Variants in USP9X observed in about 807,000 individuals in gnomAD.
USP9X encodes the protein ubiquitin specific peptidase 9 X-linked.
USP9X carries 7 observed loss-of-function variants against 190.3 expected under a neutral mutation model. The observed-to-expected ratio is 0.04, with a 90% CI of 0.02 to 0.07. USP9X has a LOEUF of 0.07. Ranked by LOEUF, USP9X falls within the 10% of genes least tolerant of loss-of-function variation. The pLI is 1.00. For missense variants in USP9X, 1,010 were observed against 1,916.9 expected (o/e 0.53, Z 8.83); for synonymous variants, 645 against 659.5 (o/e 0.98, Z 0.34).
intron 14 of USP9X, among the ~76,000 whole-genome samples, chrX:41,160,393 T>G (rs2062619430): frequency 9.1e-6 from 1 of 110,282 alleles, no homozygotes; most frequent in Non-Finnish European, 1.9e-5. Flanking sequence ...TTCATTCCTA[T>G]TTAGCATAAA....
chrX:41,218,877 T>A (rs1310243044), intron 37 of USP9X, among the ~76,000 whole-genome samples: 2 of 112,488 alleles, frequency 1.8e-5, no homozygotes, highest in Admixed American at 9.4e-5. Flanking sequence ...GAAGGTTTTT[T>A]AAATAGTCTT....
At chrX:41,227,499 G>C (rs1484700998) in intron 41 of USP9X, among the ~76,000 whole-genome samples, 5 of 111,091 alleles carry the variant, frequency 4.5e-5, no homozygotes, top group Non-Finnish European at 7.5e-5. Flanking sequence ...ATTTGATGGA[G>C]GAAAAAAATC....
chrX:41,170,369 A>T, intron 19 of USP9X, 101 bp from the exon 20 acceptor site: 6 of 1,079,683 alleles, frequency 5.6e-6, no homozygotes, highest in Non-Finnish European at 7.5e-6. Flanking sequence ...AAAGTATAGC[A>T]TGTAGTCTTT....
intron 21 of USP9X, among the ~76,000 whole-genome samples, chrX:41,177,302 A>T (rs1007441634): frequency 1.8e-4 from 20 of 112,404 alleles, no homozygotes; most frequent in African/African-American, 5.8e-4. Context: ...TTGCATAATT[A>T]TTCGGTATCT....
At chrX:41,155,627 T>A (rs776766483) in intron 14 of USP9X, among the ~76,000 whole-genome samples, 2 of 111,824 alleles carry the variant, frequency 1.8e-5, no homozygotes, top group South Asian at 3.8e-4. Context: ...ACAAAAAGAT[T>A]GCTTTATGAG....
intron 1 of USP9X, among the ~76,000 whole-genome samples, chrX:41,092,379 G>T (rs190208250): frequency 1.8e-5 from 2 of 111,182 alleles, no homozygotes; most frequent in African/African-American, 6.5e-5. Context: ...AAGTAAGGCC[G>T]CTCATTATTA....
Position 41,197,453 on chromosome X carries a change from A to G in USP9X, c.4323A>G (p.Gln1441=). 8.3e-7 allele frequency: 1 copy of G among 1,208,920 alleles called. No individual in the cohort carries two copies. Among genetic ancestry groups the G allele is most frequent in the Non-Finnish European group, 1.1e-6 (1 of 894,401 alleles). The change falls in exon 29 of 45, where the codon CAA becomes CAG. Residue 1441 remains glutamine, a synonymous_variant. Coordinates refer to ENST00000378308, the MANE Select transcript of USP9X (RefSeq NM_001039591.3). ...TGACAAAGGAGTTACTGGCCTTTCA[A>G]ACTTCTGAGAAAAAATTTCATATTG... The part of the protein sequence containing the change: ...LGVTKELLAF[Q]TSEKKFHIGC...
intron 3 of USP9X, among the ~76,000 whole-genome samples, 190 bp downstream of exon 3, chrX:41,129,335 T>C (rs1261256834): frequency 3.6e-5 from 4 of 112,430 alleles, no homozygotes; most frequent in Non-Finnish European, 5.6e-5. Context: ...CTAGTTGGGT[T>C]GTTTCCGAAG....
intron 1 of USP9X, among the ~76,000 whole-genome samples, chrX:41,099,511 C>T (rs951754751): frequency 1.8e-5 from 2 of 110,956 alleles, no homozygotes; most frequent in African/African-American, 6.6e-5. Flanking sequence ...TTTTAGCCCT[C>T]TTGGTGGAAG....
At chrX:41,203,062 G>T (rs569500502) in intron 31 of USP9X, among the ~76,000 whole-genome samples, 2 of 111,980 alleles carry the variant, frequency 1.8e-5, no homozygotes, top group Middle Eastern at 9.3e-3. Context: ...ACAACTCAGA[G>T]AATACTGAAA....
At position 41,234,967 on chromosome X, in the gene USP9X, G is replaced by C. The variant is rs2063390376; in HGVS notation, c.*2443G>C. ...AGTTAGGTGTACCATCTCACCATCT[G>C]AGAGGAGATTTATATATTTCCTGCT... On this transcript the variant is annotated 3_prime_UTR_variant, in exon 45 of 45. Transcript: ENST00000378308. 1 of 112,354 alleles carries C rather than the reference G, an allele frequency of 8.9e-6. No individual in the cohort carries two copies. The highest frequency in any genetic ancestry group is 3.7e-4 in the South Asian group (1 of 2,737). The allele number at this position is 112,354 out of a possible 1,213,427, so 9.3% of individuals were successfully genotyped here.
chrX:41,107,832 C>T (rs1046613968), intron 1 of USP9X, among the ~76,000 whole-genome samples: 7 of 111,712 alleles, frequency 6.3e-5, no homozygotes, highest in South Asian at 7.4e-4. Context: ...CCAGAATTTC[C>T]GTTTGGTTCT....
chrX:41,089,520 G>A (rs1477618359), intron 1 of USP9X, among the ~76,000 whole-genome samples: 2 of 111,765 alleles, frequency 1.8e-5, no homozygotes, highest in African/African-American at 6.5e-5. Context: ...AGCGTGCTCA[G>A]GGTGATAGTT....
At chrX:41,098,151 T>C (rs1601930435) in intron 1 of USP9X, among the ~76,000 whole-genome samples, 1 of 108,121 alleles carries the variant, frequency 9.2e-6, no homozygotes. Flanking sequence ...TTTTTTTTTT[T>C]TTTTCTTGAG....
At chrX:41,177,577 GAGAGAGATGCTTTGTGT>G (rs2062786192) in intron 21 of USP9X, among the ~76,000 whole-genome samples, 3 of 112,241 alleles carry the variant, frequency 2.7e-5, no homozygotes, top group South Asian at 3.7e-4. Context: ...TCCTCTAAAG[GAGAGAGATGCTTTGTGT>G]AGAGAGATGC....
chrX:41,196,393 T>C, intron 27 of USP9X, 34 bp downstream of exon 27: 1 of 1,184,106 alleles, frequency 8.4e-7, no homozygotes, highest in Non-Finnish European at 1.1e-6. Flanking sequence ...ATCAATGTGA[T>C]TCATTCTTTA....
At chrX:41,198,247 G>A (rs960603414) in intron 29 of USP9X, among the ~76,000 whole-genome samples, 1 of 111,520 alleles carries the variant, frequency 9.0e-6, no homozygotes, top group Admixed American at 9.5e-5. Flanking sequence ...CTATACACTT[G>A]ATTAAAGGAG....
At position 41,232,367 on chromosome X, in the gene USP9X, G is replaced by C; in HGVS notation, c.7528-20G>C. On this transcript the variant is annotated intron_variant, in intron 44 of 44. Transcript: ENST00000378308. ...ACTATGTGAAAAGTTTTAACATACAGATCTTTTCTCCTTTCCCAGAATAAC... is the reference window on the plus strand; with the variant it reads ...ACTATGTGAAAAGTTTTAACATACACATCTTTTCTCCTTTCCCAGAATAAC... 1.7e-6 allele frequency: 2 copies of C among 1,200,163 alleles called. No homozygotes were observed. The highest frequency in any genetic ancestry group is 1.8e-5 in the South Asian group (1 of 54,893).
rs944308517 is a variant in USP9X, at chrX:41,099,178, C to T, written c.-159+13069C>T. On this transcript the variant is annotated intron_variant, in intron 1 of 44. Transcript: ENST00000378308. ...AGGCTGGTCTCGAGCTCCTGGGCTC[C>T]AGCAATCCTCCTGCCTCAGCCTCCC... is the stretch of plus-strand genomic sequence containing the variant. 5.2e-5 allele frequency among the ~76,000 whole-genome samples: 5 copies of T among 96,994 alleles called. 1 individual carries two copies. The highest frequency in any genetic ancestry group is 1.9e-4 in the African/African-American group (5 of 25,724). The allele number at this position is 96,994 out of a possible 115,157, so 84.2% of individuals were successfully genotyped here.
Sources: gnomAD v4.1 joint callset for allele counts (sites outside exome capture counted in the v4.1 genomes callset) on GRCh38, gnomAD v4.1.1 for gene constraint, MANE v1.5 for transcripts, NCBI Gene and HGNC (gene_info 2026-07-23, HGNC 2026-07-21) for gene names.